SRPK2: variants seen among roughly 807,000 people sequenced by gnomAD.
SRPK2 encodes the protein SRSF protein kinase 2.
SRPK2 carries 21 observed loss-of-function variants against 90.8 expected under a neutral mutation model. The ratio of observed to expected loss-of-function variants is 0.23; its 90% CI spans 0.16 to 0.33. The LOEUF (loss-of-function observed/expected upper bound fraction) is 0.33. Ranked by LOEUF, SRPK2 falls within the 10% of genes least tolerant of loss-of-function variation. SRPK2 has a pLI of 1.00. For synonymous variants in SRPK2, 288 were observed against 311.1 expected (o/e 0.93, Z 0.78); for missense variants, 620 against 869.0 (o/e 0.71, Z 3.60).
intron 1 of SRPK2, among the ~76,000 whole-genome samples, chr7:105,395,179 A>G (rs1822288656): frequency 6.6e-6 from 1 of 152,064 alleles, no homozygotes; most frequent in African/African-American, 2.4e-5. Context: ...TCTCAAAAAC[A>G]AAACAAAACA....
chr7:105,300,376 T>C (rs1013118860), intron 2 of SRPK2, among the ~76,000 whole-genome samples: 3 of 152,086 alleles, frequency 2.0e-5, no homozygotes, highest in African/African-American at 7.2e-5. Flanking sequence ...ATACTAATAT[T>C]TCAACACAAA....
chr7:105,179,162 C>T (rs1022218730), intron 3 of SRPK2, among the ~76,000 whole-genome samples: 14 of 152,318 alleles, frequency 9.2e-5, no homozygotes, highest in Admixed American at 2.0e-4. Context: ...TTCTAAACCC[C>T]TGCCTACTAC....
At chr7:105,181,263 A>G (rs981053368) in intron 3 of SRPK2, among the ~76,000 whole-genome samples, 3 of 152,232 alleles carry the variant, frequency 2.0e-5, no homozygotes, top group African/African-American at 7.2e-5. Context: ...TATACTCTGC[A>G]GGTGGGAGTG....
At chr7:105,298,896 T>C in intron 2 of SRPK2, 1 of 594,128 alleles carries the variant, frequency 1.7e-6, no homozygotes, top group South Asian at 7.4e-5. Context: ...CCTCATACTC[T>C]GTTCAGCTCA....
chr7:105,134,748 G>T (rs962889421), intron 11 of SRPK2, among the ~76,000 whole-genome samples: 1 of 152,172 alleles, frequency 6.6e-6, no homozygotes, highest in Non-Finnish European at 1.5e-5. Context: ...TGCCCACACA[G>T]CTCCCTAGGG....
intron 7 of SRPK2, among the ~76,000 whole-genome samples, chr7:105,159,887 AAT>A (rs1807316824): frequency 1.3e-5 from 2 of 152,214 alleles, no homozygotes; most frequent in Admixed American, 6.5e-5. Context: ...CATGTCTTGA[AAT>A]ATGTGTACAC....
At chr7:105,240,607 G>GT (rs1313336373) in intron 2 of SRPK2, among the ~76,000 whole-genome samples, 4 of 151,938 alleles carry the variant, frequency 2.6e-5, no homozygotes, top group East Asian at 1.9e-4. Context: ...AAAAAAAAAT[G>GT]TTTTTTTAAT....
chr7:105,392,972 C>T (rs1822220520), upstream of SRPK2, among the ~76,000 whole-genome samples: 1 of 151,490 alleles, frequency 6.6e-6, no homozygotes, highest in African/African-American at 2.4e-5. Flanking sequence ...ACCACCACAC[C>T]CGGCTAATTT....
chr7:105,193,160 G>A (rs573051098), intron 3 of SRPK2, among the ~76,000 whole-genome samples: 1 of 152,206 alleles, frequency 6.6e-6, no homozygotes, highest in South Asian at 2.1e-4. Flanking sequence ...TTCTAATAAT[G>A]TTTATAGTTT....
intron 3 of SRPK2, among the ~76,000 whole-genome samples, chr7:105,184,559 GT>G (rs1274382151): frequency 6.6e-6 from 1 of 152,150 alleles, no homozygotes; most frequent in Admixed American, 6.5e-5. Flanking sequence ...AAAGCAGTCT[GT>G]ATGTCTATAC....
chr7:105,272,240 T>A (rs755909331), intron 2 of SRPK2, among the ~76,000 whole-genome samples: 1 of 152,202 alleles, frequency 6.6e-6, no homozygotes, highest in Non-Finnish European at 1.5e-5. Flanking sequence ...ACCTGATTAT[T>A]TAACAGTTGT....
rs551579809 is a variant in SRPK2, at chr7:105,208,289, A to G, written c.72-4504T>C. 3.3e-5 allele frequency among the ~76,000 whole-genome samples: 5 copies of G among 152,334 alleles called. No individual in the cohort carries two copies. The South Asian group carries it at 1.0e-3, about 32-fold the overall frequency. On this transcript the variant is annotated intron_variant, in intron 2 of 15. Transcript: ENST00000393651. ...CAAATAACCCAACAATTCCACTCCC[A>G]AGTATATACCCAAGAGAAATGAAAG...
At chr7:105,345,068 G>A (rs1051356933) in intron 2 of SRPK2, among the ~76,000 whole-genome samples, 46 of 151,852 alleles carry the variant, frequency 3.0e-4, no homozygotes, top group African/African-American at 1.0e-3. Flanking sequence ...ACCAGGAGGC[G>A]GAGGTTACAG....
chr7:105,119,988 A>G (rs1221913015), intron 15 of SRPK2, among the ~76,000 whole-genome samples: 1 of 152,248 alleles, frequency 6.6e-6, no homozygotes, highest in East Asian at 1.9e-4. Flanking sequence ...TATGTCCTAC[A>G]GATAATCACA....
chr7:105,371,545 A>T (rs1168569538), intron 2 of SRPK2, among the ~76,000 whole-genome samples: 2 of 139,850 alleles, frequency 1.4e-5, no homozygotes, highest in Non-Finnish European at 3.0e-5. Flanking sequence ...TGAGACCAGG[A>T]GTTTGAGACC....
chr7:105,119,824 A>G (rs1306195701), intron 15 of SRPK2, among the ~76,000 whole-genome samples: 2 of 152,212 alleles, frequency 1.3e-5, no homozygotes, highest in Admixed American at 1.3e-4. Context: ...GCTGGCACAA[A>G]ATTATATGTA....
At chr7:105,321,731 A>C (rs1812964873) in intron 2 of SRPK2, among the ~76,000 whole-genome samples, 1 of 152,240 alleles carries the variant, frequency 6.6e-6, no homozygotes, top group African/African-American at 2.4e-5. Flanking sequence ...TGCAAATAAA[A>C]ACGAGGCACA....
At chr7:105,284,273 G>C (rs1807738685) in intron 2 of SRPK2, among the ~76,000 whole-genome samples, 1 of 152,166 alleles carries the variant, frequency 6.6e-6, no homozygotes, top group Admixed American at 6.5e-5. Flanking sequence ...ACTTTGCCAA[G>C]TGAAGAAATT....
chr7:105,306,982 T>C (rs1488998454), intron 2 of SRPK2, among the ~76,000 whole-genome samples: 1 of 152,206 alleles, frequency 6.6e-6, no homozygotes, highest in African/African-American at 2.4e-5. Context: ...TTTCCTCTTA[T>C]TTTATAACTC....
Sources: gnomAD v4.1 joint callset for allele counts (sites outside exome capture counted in the v4.1 genomes callset) on GRCh38, gnomAD v4.1.1 for gene constraint, MANE v1.5 for transcripts, NCBI Gene and HGNC (gene_info 2026-07-23, HGNC 2026-07-21) for gene names.